Variants in SEM1 observed in about 807,000 individuals in gnomAD.
The protein encoded by SEM1 is 26S proteasome complex subunit SEM1.
In SEM1, 3 loss-of-function variants were observed where a neutral mutation model predicts 12.7. The observed-to-expected ratio is 0.24, with a 90% CI of 0.11 to 0.61. SEM1 has a LOEUF of 0.61. SEM1 is among the 20% of genes least tolerant of loss of function. SEM1 has a pLI of 0.88. For missense variants in SEM1, 59 were observed against 81.3 expected (o/e 0.73, Z 1.06); for synonymous variants, 30 against 27.8 (o/e 1.08, Z -0.25).
intron 2 of SEM1, among the ~76,000 whole-genome samples, chr7:96,665,353 T>A (rs1219981836): frequency 6.6e-6 from 1 of 152,172 alleles, no homozygotes; most frequent in East Asian, 1.9e-4. Context: ...TAGAAGATGA[T>A]CTATTTTGAA....
intron 1 of SEM1, chr7:96,695,349 C>A (rs1790056243): frequency 6.6e-6 from 1 of 152,164 alleles, no homozygotes; most frequent in Admixed American, 6.5e-5. Flanking sequence ...CTGCCTAATA[C>A]AACTGATACA....
At chr7:96,679,061 T>C (rs1789528744) in intron 2 of SEM1, among the ~76,000 whole-genome samples, 1 of 152,086 alleles carries the variant, frequency 6.6e-6, no homozygotes, top group South Asian at 2.1e-4. Context: ...TATAAATCAA[T>C]AGCTTTAATT....
intron 1 of SEM1, among the ~76,000 whole-genome samples, chr7:96,493,203 A>G (rs920472772): frequency 6.6e-6 from 1 of 152,128 alleles, no homozygotes; most frequent in African/African-American, 2.4e-5. Context: ...GACTTTAAGT[A>G]ATCTGCCCAC....
intron 2 of SEM1, among the ~76,000 whole-genome samples, chr7:96,613,973 A>G (rs569373818): frequency 1.3e-5 from 2 of 152,360 alleles, no homozygotes; most frequent in Admixed American, 6.5e-5. Context: ...TAGTTTCTAT[A>G]TCTTGGCTAT....
chr7:96,671,945 C>T (rs967267093), downstream of SEM1, among the ~76,000 whole-genome samples: 4 of 152,120 alleles, frequency 2.6e-5, no homozygotes, highest in Non-Finnish European at 5.9e-5. Flanking sequence ...GAAATCTGAT[C>T]CTAGAAATCT....
chr7:96,584,373 C>T (rs1374762773), intron 2 of SEM1, among the ~76,000 whole-genome samples: 5 of 152,156 alleles, frequency 3.3e-5, no homozygotes, highest in South Asian at 4.2e-4. Context: ...GAGGGTAACC[C>T]GACCTTTCTC....
At chr7:96,584,190 T>C (rs1806526564) in intron 2 of SEM1, among the ~76,000 whole-genome samples, 1 of 152,178 alleles carries the variant, frequency 6.6e-6, no homozygotes, top group Admixed American at 6.5e-5. Flanking sequence ...CAGCATTTGC[T>C]TGTCTGTAAA....
intron 1 of SEM1, among the ~76,000 whole-genome samples, chr7:96,698,261 TTTTAC>T (rs967256234): frequency 2.6e-5 from 4 of 152,048 alleles, no homozygotes; most frequent in Non-Finnish European, 5.9e-5. Context: ...TTGGGATTTT[TTTTAC>T]TTTAAGTTCT....
chr7:96,660,912 T>C (rs1038912616), intron 2 of SEM1, among the ~76,000 whole-genome samples: 2 of 151,806 alleles, frequency 1.3e-5, no homozygotes, highest in African/African-American at 2.4e-5. Flanking sequence ...GTATCAGAAA[T>C]AGAAAAACGT....
intron 2 of SEM1, among the ~76,000 whole-genome samples, chr7:96,513,452 A>G (rs1317940061): frequency 6.6e-6 from 1 of 152,196 alleles, no homozygotes; most frequent in Admixed American, 6.5e-5. Flanking sequence ...GTACAGAAAT[A>G]AAAGGGGAAA....
chr7:96,535,481 T>C (rs1437094321), intron 2 of SEM1, among the ~76,000 whole-genome samples: 2 of 151,922 alleles, frequency 1.3e-5, no homozygotes, highest in Non-Finnish European at 2.9e-5. Context: ...ACTTTCATTT[T>C]AGGTTCAGGG....
intron 2 of SEM1, among the ~76,000 whole-genome samples, chr7:96,679,598 A>AC (rs1789544056): frequency 1.3e-5 from 2 of 152,114 alleles, no homozygotes; most frequent in Admixed American, 6.6e-5. Context: ...ATAGGCAGCA[A>AC]TAAAAAAGTA....
chr7:96,506,963 T>C (rs1803772332), intron 2 of SEM1, among the ~76,000 whole-genome samples: 1 of 152,064 alleles, frequency 6.6e-6, no homozygotes, highest in South Asian at 2.1e-4. Context: ...GACTGCTGGT[T>C]ACCTCTTAGG....
At chr7:96,496,709 G>A (rs961844193), upstream of SEM1, among the ~76,000 whole-genome samples, 1 of 152,084 alleles carries the variant, frequency 6.6e-6, no homozygotes, top group Admixed American at 6.5e-5. Context: ...AATCTAGCAG[G>A]TGTTTCTCAT....
intron 2 of SEM1, among the ~76,000 whole-genome samples, chr7:96,599,183 G>C (rs925793858): frequency 6.6e-6 from 1 of 152,154 alleles, no homozygotes; most frequent in Non-Finnish European, 1.5e-5. Context: ...CAGGTGTGGA[G>C]TGCTAAAGCA....
exon 3 of SEM1, chr7:96,673,811 G>A (rs1332411858): frequency 2.6e-6 from 2 of 765,084 alleles, no homozygotes; most frequent in Non-Finnish European, 4.8e-6. Context: ...GGAGAACATA[G>A]CAGCCATACG....
chr7:96,602,815 A>G (rs1389390955), intron 2 of SEM1, among the ~76,000 whole-genome samples: 1 of 152,234 alleles, frequency 6.6e-6, no homozygotes, highest in African/African-American at 2.4e-5. Flanking sequence ...CATTTAAGAA[A>G]TTAATGGAAA....
At chr7:96,661,944 TG>T (rs1366300998) in intron 2 of SEM1, among the ~76,000 whole-genome samples, 1 of 141,044 alleles carries the variant, frequency 7.1e-6, no homozygotes, top group African/African-American at 2.7e-5. Context: ...GCCAAGATCA[TG>T]CCATTGCACT....
At chr7:96,701,518 A>G (rs531109939) in intron 1 of SEM1, among the ~76,000 whole-genome samples, 7 of 152,286 alleles carry the variant, frequency 4.6e-5, no homozygotes, top group African/African-American at 1.7e-4. Context: ...GGGTGAGAAA[A>G]TAAATCTCTG....
Sources: allele counts gnomAD v4.1 joint callset (sites outside exome capture counted in the v4.1 genomes callset), GRCh38; gene constraint gnomAD v4.1.1; transcripts MANE v1.5; gene names NCBI Gene and HGNC (gene_info 2026-07-23, HGNC 2026-07-21).